The following COL14A1 variants were observed in gnomAD, a reference collection of about 807,000 sequenced individuals.
The protein encoded by COL14A1 is collagen alpha-1(XIV) chain.
Under a neutral mutation model 230.3 loss-of-function variants are expected in COL14A1, and 136 were observed. The observed-to-expected ratio is 0.59, with a 90% CI of 0.51 to 0.68. The LOEUF (loss-of-function observed/expected upper bound fraction) is 0.68, where lower values mean the gene tolerates loss of function less well. Ranked by LOEUF, COL14A1 falls within the 30% of genes least tolerant of loss-of-function variation. COL14A1 has a pLI of 0.00. For missense variants in COL14A1, 1,976 were observed against 2,215.8 expected (o/e 0.89, Z 2.17); for synonymous variants, 792 against 784.1 (o/e 1.01, Z -0.17).
chr8:120,273,179 G>T (rs1819728564), intron 26 of COL14A1, among the ~76,000 whole-genome samples: 2 of 151,776 alleles, frequency 1.3e-5, no homozygotes, highest in African/African-American at 4.8e-5. Flanking sequence ...TAAACCATTT[G>T]CTCCTGAATG....
At chr8:120,300,169 C>T (rs1344717806) in intron 35 of COL14A1, among the ~76,000 whole-genome samples, 2 of 116,418 alleles carry the variant, frequency 1.7e-5, no homozygotes, top group Admixed American at 8.9e-5. Flanking sequence ...TTCTCCTATT[C>T]CAGAGCCTCA....
intron 23 of COL14A1, among the ~76,000 whole-genome samples, chr8:120,258,059 G>C (rs180872944): frequency 6.6e-6 from 1 of 152,236 alleles, no homozygotes; most frequent in East Asian, 1.9e-4. Flanking sequence ...GAATAGCCAC[G>C]TTGTATCATT....
intron 45 of COL14A1, among the ~76,000 whole-genome samples, chr8:120,354,613 A>T: frequency 6.6e-6 from 1 of 152,164 alleles, no homozygotes; most frequent in Non-Finnish European, 1.5e-5. Flanking sequence ...CTCTCTCTTC[A>T]GTAACCCTTT....
At chr8:120,274,147 C>T (rs1414036708) in intron 26 of COL14A1, among the ~76,000 whole-genome samples, 2 of 151,754 alleles carry the variant, frequency 1.3e-5, no homozygotes, top group Admixed American at 1.3e-4. Context: ...AGGTGGATGT[C>T]ATCCCAGGGA....
rs1817061656 is a variant in COL14A1, at chr8:120,197,091, A to G, written c.592+145A>G. On this transcript the variant is annotated intron_variant, in intron 6 of 47. Coordinates refer to ENST00000297848, the MANE Select transcript of COL14A1 (RefSeq NM_021110.4). Reference sequence around the variant, plus strand: ...TCCCCTAAAGTACATGTTTGGATCAATAAATATTATTTATTCCTTCTAATT... The same window carrying G: ...TCCCCTAAAGTACATGTTTGGATCAGTAAATATTATTTATTCCTTCTAATT... 6 of 649,758 alleles carry G rather than the reference A, an allele frequency of 9.2e-6. No homozygotes were observed. In the South Asian group the frequency reaches 1.6e-4, roughly 17 times the overall value. The allele number at this position is 649,758 out of a possible 1,614,324, so 40.2% of individuals were successfully genotyped here.
intron 19 of COL14A1, among the ~76,000 whole-genome samples, chr8:120,241,778 A>C (rs1055163355): frequency 1.7e-4 from 26 of 152,070 alleles, no homozygotes; most frequent in Non-Finnish European, 3.2e-4. Flanking sequence ...CCCAGACAAG[A>C]TTCTTGGGGT....
chr8:120,240,900 A>T (rs1818589533), intron 19 of COL14A1, among the ~76,000 whole-genome samples: 2 of 152,308 alleles, frequency 1.3e-5, no homozygotes, highest in Middle Eastern at 3.4e-3. Flanking sequence ...TTTTGTAAGG[A>T]TTGACTTTCA....
At chr8:120,300,943 G>C in intron 36 of COL14A1, 125 bp downstream of exon 36, 1 of 738,052 alleles carries the variant, frequency 1.4e-6, no homozygotes, top group Non-Finnish European at 2.3e-6. Context: ...GGAATGCAGT[G>C]AGACACAGAG....
chr8:120,275,028 T>C (rs956546802), intron 26 of COL14A1, among the ~76,000 whole-genome samples: 1 of 151,622 alleles, frequency 6.6e-6, no homozygotes, highest in African/African-American at 2.4e-5. Context: ...AGAGCCCAAA[T>C]AGCCAAAGCA....
chr8:120,187,455 A>G (rs1816685390), intron 5 of COL14A1, among the ~76,000 whole-genome samples: 1 of 152,208 alleles, frequency 6.6e-6, no homozygotes, highest in South Asian at 2.1e-4. Flanking sequence ...AAGAATTTGA[A>G]CTGCCAGAAG....
rs538260877 is a variant in COL14A1, at chr8:120,227,951, G to A, written c.2137+599G>A. On this transcript the variant is annotated intron_variant, in intron 17 of 47. Transcript: ENST00000297848. ...AAGAGTGCAGTTGGGAGATGCTTAC[G>A]TAAAAAACTGAGGACAGCAGGAGGG... 3.9e-5 allele frequency among the ~76,000 whole-genome samples: 6 copies of A among 152,264 alleles called. No homozygotes were observed. In the East Asian group the frequency reaches 5.8e-4, roughly 15 times the overall value.
intron 13 of COL14A1, among the ~76,000 whole-genome samples, chr8:120,214,888 A>G (rs577101324): frequency 6.6e-6 from 1 of 152,200 alleles, no homozygotes; most frequent in Non-Finnish European, 1.5e-5. Context: ...GAAACCTGAA[A>G]GAGGCAAAGA....
chr8:120,253,696 G>C (rs1254798825), intron 22 of COL14A1, among the ~76,000 whole-genome samples: 4 of 152,322 alleles, frequency 2.6e-5, no homozygotes, highest in Admixed American at 2.6e-4. Flanking sequence ...GGCTGAGGCA[G>C]GTGGATCACC....
intron 1 of COL14A1, among the ~76,000 whole-genome samples, chr8:120,136,901 G>C (rs1191358584): frequency 7.7e-6 from 1 of 130,408 alleles, no homozygotes; most frequent in South Asian, 2.5e-4. Flanking sequence ...GTAGGAGGTT[G>C]CAGTGAGCCA....
intron 1 of COL14A1, among the ~76,000 whole-genome samples, chr8:120,126,937 A>G (rs1814360172): frequency 6.6e-6 from 1 of 152,228 alleles, no homozygotes. Context: ...AAACAGCTTT[A>G]TTGAGATATA....
intron 32 of COL14A1, among the ~76,000 whole-genome samples, chr8:120,284,306 G>A (rs1341184388): frequency 2.0e-5 from 3 of 152,198 alleles, no homozygotes; most frequent in African/African-American, 7.2e-5. Context: ...CAGAGAATAA[G>A]TCTGGAGGCT....
At position 120,371,531 on chromosome 8, in the gene COL14A1, G is replaced by T; in HGVS notation, c.*300G>T. 7.5e-6 allele frequency: 3 copies of T among 397,676 alleles called. No individual in the cohort carries two copies. The highest frequency in any genetic ancestry group is 1.3e-4 in the South Asian group (1 of 7,682). 24.6% of individuals were successfully genotyped at this position (397,676 alleles called of 1,614,324 possible). ...AAAGAGGAATTGGGAAAAATAAATT[G>T]AACTCTGGAATCTTCTCTCTCAAGT... On this transcript the variant is annotated 3_prime_UTR_variant, in exon 48 of 48. Transcript: ENST00000297848.
At chr8:120,162,775 A>G (rs897027787) in intron 4 of COL14A1, among the ~76,000 whole-genome samples, 5 of 152,102 alleles carry the variant, frequency 3.3e-5, no homozygotes, top group African/African-American at 1.2e-4. Context: ...CTATATTCTT[A>G]CTTATCCTTT....
chr8:120,237,561 C>A (rs1242306451), intron 19 of COL14A1, among the ~76,000 whole-genome samples: 5 of 152,190 alleles, frequency 3.3e-5, no homozygotes, highest in Non-Finnish European at 5.9e-5. Flanking sequence ...AGAATATGCT[C>A]CTTTAGCTCG....
Sources: allele counts gnomAD v4.1 joint callset (sites outside exome capture counted in the v4.1 genomes callset), GRCh38; gene constraint gnomAD v4.1.1; transcripts MANE v1.5; gene names NCBI Gene and HGNC (gene_info 2026-07-23, HGNC 2026-07-21).